ATXN3: variants seen among roughly 807,000 people sequenced by gnomAD.
The protein encoded by ATXN3 is ataxin 3, also known as ataxin-3.
ATXN3 carries 28 observed loss-of-function variants against 58.2 expected under a neutral mutation model. The observed-to-expected ratio is 0.48, with a 90% CI of 0.36 to 0.66. The LOEUF is 0.66. ATXN3 is among the 30% of genes least tolerant of loss of function. ATXN3 has a pLI of 0.00. For synonymous variants in ATXN3, 113 were observed against 138.5 expected (o/e 0.82, Z 1.29); for missense variants, 321 against 422.1 (o/e 0.76, Z 2.10).
chr14:92,101,805 C>A (rs923019513), intron 1 of ATXN3, among the ~76,000 whole-genome samples: 2 of 152,152 alleles, frequency 1.3e-5, no homozygotes, highest in Admixed American at 1.3e-4. Flanking sequence ...TTGCAGTGAG[C>A]TGAGATTGCA....
At chr14:92,065,218 C>A (rs1341286130) in intron 10 of ATXN3, among the ~76,000 whole-genome samples, 2 of 152,068 alleles carry the variant, frequency 1.3e-5, no homozygotes, top group African/African-American at 4.8e-5. Context: ...AGTGTAAGAC[C>A]CTTTGAGGCT....
intron 9 of ATXN3, among the ~76,000 whole-genome samples, chr14:92,071,905 C>T (rs2059518838): frequency 6.6e-6 from 1 of 152,176 alleles, no homozygotes; most frequent in Non-Finnish European, 1.5e-5. Flanking sequence ...TCAGCATAAA[C>T]TTATCATCAT....
At chr14:92,092,499 C>T (rs1178608486) in intron 5 of ATXN3, among the ~76,000 whole-genome samples, 3 of 152,206 alleles carry the variant, frequency 2.0e-5, no homozygotes, top group Non-Finnish European at 2.9e-5. Context: ...TAATCTTACA[C>T]TAAAGCAAAC....
downstream of ATXN3, among the ~76,000 whole-genome samples, chr14:92,054,564 A>G (rs954868362): frequency 1.3e-5 from 2 of 152,230 alleles, no homozygotes; most frequent in Non-Finnish European, 2.9e-5. Context: ...CTTGTTTAGC[A>G]TATCATCAAG....
chr14:92,096,818 A>C lies in ATXN3; in HGVS notation c.45T>G (p.Ala15=). The part of the protein sequence containing the change: ...FHEKQEGSLC[A]QHCLNNLLQG... ...GCAATAAGTTATTCAGGCAATGTTG[A>C]GCACAAAGTGAGCCTTCTTGCTAAT... Residue 15 remains alanine, a synonymous_variant, in exon 2 of 11, where the codon GCT becomes GCG. Transcript: ENST00000644486. 1 of 1,613,470 alleles carries C rather than the reference A, an allele frequency of 6.2e-7. No homozygotes were observed. Among genetic ancestry groups the C allele is most frequent in the Non-Finnish European group, 8.5e-7 (1 of 1,179,800 alleles).
intron 6 of ATXN3, among the ~76,000 whole-genome samples, chr14:92,087,398 C>T (rs1381655747): frequency 6.6e-6 from 1 of 152,220 alleles, no homozygotes; most frequent in East Asian, 1.9e-4. Flanking sequence ...CTGCAATGAG[C>T]TGTGATTATG....
intron 2 of ATXN3, among the ~76,000 whole-genome samples, chr14:92,045,504 G>T (rs1010900980): frequency 1.7e-4 from 26 of 152,264 alleles, no homozygotes; most frequent in East Asian, 3.9e-4. Flanking sequence ...CTCAGGGCAT[G>T]TGAATAGAGT....
At chr14:92,052,199 A>G (rs539362845), upstream of ATXN3, among the ~76,000 whole-genome samples, 1 of 152,032 alleles carries the variant, frequency 6.6e-6, no homozygotes, top group East Asian at 2.0e-4. Context: ...AACAAAAAAA[A>G]TGTTCGCATC....
chr14:92,089,332 CTTTTTTT>C (rs1157498754), intron 5 of ATXN3, among the ~76,000 whole-genome samples: 1 of 60,738 alleles, frequency 1.6e-5, no homozygotes, highest in African/African-American at 7.4e-5. Context: ...GCTAAATACT[CTTTTTTT>C]TTTTTTTTTT....
chr14:92,078,889 T>C (rs2060913052), intron 9 of ATXN3, among the ~76,000 whole-genome samples: 1 of 152,046 alleles, frequency 6.6e-6, no homozygotes, highest in Non-Finnish European at 1.5e-5. Context: ...ATGGGAGTAT[T>C]ATAAAACGAG....
chr14:92,064,031 G>A lies in ATXN3; in HGVS notation c.*289C>T, dbSNP rs996833012. 1.6e-5 allele frequency: 3 copies of A among 184,304 alleles called. No homozygotes were observed. Among genetic ancestry groups the A allele is most frequent in the African/African-American group, 7.1e-5 (3 of 42,544 alleles). 11.4% of individuals were successfully genotyped at this position (184,304 alleles called of 1,614,324 possible). A position where few individuals can be genotyped will look rare whatever the true frequency, so the allele number is the denominator to read the frequency against. On this transcript the variant is annotated 3_prime_UTR_variant, in exon 11 of 11. Transcript: ENST00000644486. Reference sequence around the variant, plus strand: ...GTCTGCAAAAAGATCCAAGAAAAATGCCCTAACTTTAGACATGTTACATAT... The same window carrying A: ...GTCTGCAAAAAGATCCAAGAAAAATACCCTAACTTTAGACATGTTACATAT...
At chr14:92,075,533 T>C (rs2060216632) in intron 9 of ATXN3, among the ~76,000 whole-genome samples, 1 of 152,208 alleles carries the variant, frequency 6.6e-6, no homozygotes, top group Non-Finnish European at 1.5e-5. Context: ...ACTTTATGAT[T>C]TTCTTTATGC....
At chr14:92,079,974 G>C (rs56089900) in intron 9 of ATXN3, among the ~76,000 whole-genome samples, 2,859 of 152,152 alleles carry the variant, frequency 0.019, 54 homozygotes, top group South Asian at 0.081. Context: ...CTGACCTCAG[G>C]TGATCCACCT....
At chr14:92,104,922 CA>C (rs11308589) in intron 1 of ATXN3, among the ~76,000 whole-genome samples, 57,970 of 124,418 alleles carry the variant, frequency 0.47, 12,747 homozygotes, top group African/African-American at 0.52. Context: ...AACTCCATCT[CA>C]AAAAAAAAAA....
chr14:92,046,934 A>G (rs1191900582), intron 2 of ATXN3, among the ~76,000 whole-genome samples: 1 of 152,212 alleles, frequency 6.6e-6, no homozygotes, highest in Non-Finnish European at 1.5e-5. Context: ...TAAATGTTGA[A>G]AAGTATCTTG....
At chr14:92,100,123 T>C (rs992525985) in intron 1 of ATXN3, among the ~76,000 whole-genome samples, 3 of 152,114 alleles carry the variant, frequency 2.0e-5, no homozygotes, top group African/African-American at 7.2e-5. Flanking sequence ...ATGGCTAAAA[T>C]GTTGGAGATT....
chr14:92,097,135 T>A (rs1300854596), intron 1 of ATXN3, among the ~76,000 whole-genome samples: 1 of 152,026 alleles, frequency 6.6e-6, no homozygotes, highest in Non-Finnish European at 1.5e-5. Context: ...GGTCTTGATC[T>A]CCTGACCTCG....
At chr14:92,084,163 G>A (rs1440027081) in intron 6 of ATXN3, among the ~76,000 whole-genome samples, 6 of 152,124 alleles carry the variant, frequency 3.9e-5, no homozygotes, top group Non-Finnish European at 8.8e-5. Context: ...CATACGAGTC[G>A]ATACTCCTTA....
At chr14:92,103,127 A>G (rs1351013452) in intron 1 of ATXN3, among the ~76,000 whole-genome samples, 4 of 147,206 alleles carry the variant, frequency 2.7e-5, no homozygotes, top group African/African-American at 1.0e-4. Context: ...AAAAAAAAAA[A>G]CAAAGCAGGC....
Sources: gnomAD v4.1 joint callset for allele counts (sites outside exome capture counted in the v4.1 genomes callset) on GRCh38, gnomAD v4.1.1 for gene constraint, MANE v1.5 for transcripts, NCBI Gene and HGNC (gene_info 2026-07-23, HGNC 2026-07-21) for gene names.